Variants in ARHGAP24 observed in about 807,000 individuals in gnomAD.
ARHGAP24 encodes rho GTPase-activating protein 24.
ARHGAP24 carries 50 observed loss-of-function variants against 76.4 expected under a neutral mutation model. That is an observed-to-expected ratio of 0.65 (90% CI 0.52 to 0.83). The LOEUF (loss-of-function observed/expected upper bound fraction) is 0.83. Ranked by LOEUF, ARHGAP24 falls within the 40% of genes least tolerant of loss-of-function variation. ARHGAP24 has a pLI of 0.00. For synonymous variants in ARHGAP24, 345 were observed against 323.3 expected (o/e 1.07, Z -0.72); for missense variants, 930 against 914.2 (o/e 1.02, Z -0.22).
intron 5 of ARHGAP24, among the ~76,000 whole-genome samples, chr4:85,950,327 C>CA (rs11382639): frequency 0.59 from 88,772 of 149,380 alleles, 26,554 homozygotes; most frequent in East Asian, 0.81. Flanking sequence ...ACTGTCTCTA[C>CA]AAAAAAAAAA....
rs188219198 is a variant in ARHGAP24 at position 85,828,548 on chromosome 4, C to A, written c.269-95100C>A. Among the ~76,000 whole-genome samples the A allele has an allele frequency of 2.8e-3, 421 of 150,800 alleles. 4 individuals are homozygous for A. Among genetic ancestry groups the A allele is most frequent in the African/African-American group, 9.8e-3 (403 of 41,168 alleles). On this transcript the variant is annotated intron_variant, in intron 3 of 9. Transcript: ENST00000395184. The stretch of plus-strand genomic sequence containing the variant: ...TTTTTTAAAAAAAGCCAAAAGAAAA[C>A]CAAATAATACGTGCTATCTTTTGAT...
At chr4:85,762,455 C>G (rs1324520779) in intron 3 of ARHGAP24, among the ~76,000 whole-genome samples, 1 of 152,162 alleles carries the variant, frequency 6.6e-6, no homozygotes, top group African/African-American at 2.4e-5. Flanking sequence ...TCCACCTACT[C>G]TGTACCAAAC....
chr4:85,627,223 G>T (rs1720989096), intron 2 of ARHGAP24, among the ~76,000 whole-genome samples: 1 of 152,104 alleles, frequency 6.6e-6, no homozygotes, highest in Non-Finnish European at 1.5e-5. Context: ...TTTGGTCTTT[G>T]ATGATGGTGA....
chr4:85,956,143 A>G (rs1241616877), intron 5 of ARHGAP24, among the ~76,000 whole-genome samples: 1 of 152,212 alleles, frequency 6.6e-6, no homozygotes, highest in Non-Finnish European at 1.5e-5. Context: ...TTGGAAAAGC[A>G]AAGAACTGAC....
At chr4:85,821,747 T>A (rs1244928741) in intron 3 of ARHGAP24, among the ~76,000 whole-genome samples, 1 of 152,108 alleles carries the variant, frequency 6.6e-6, no homozygotes, top group South Asian at 2.1e-4. Context: ...TCAACCAAGA[T>A]GAGATTTAGA....
chr4:85,935,225 A>G (rs917257339), intron 4 of ARHGAP24, among the ~76,000 whole-genome samples: 1 of 152,242 alleles, frequency 6.6e-6, no homozygotes, highest in African/African-American at 2.4e-5. Flanking sequence ...TAATTCATAT[A>G]TCAATGTTTT....
At chr4:85,679,983 C>A (rs1723141147) in intron 2 of ARHGAP24, among the ~76,000 whole-genome samples, 1 of 152,168 alleles carries the variant, frequency 6.6e-6, no homozygotes, top group Non-Finnish European at 1.5e-5. Context: ...TTAAAGATTG[C>A]CATTAATTTG....
chr4:85,570,405 TCTTTCTTTCTTTCCTCTCTCTCTCTC>T, intron 1 of ARHGAP24, 91 bp from the exon 2 acceptor site: 5 of 377,328 alleles, frequency 1.3e-5, no homozygotes, highest in East Asian at 1.3e-4. Context: ...TTTCTTTCTT[TCTTTCTTTCTTTCCTCTCTCTCTCTC>T]TTTTTTTTTT....
intron 1 of ARHGAP24, among the ~76,000 whole-genome samples, chr4:85,529,790 T>C (rs1210843678): frequency 6.6e-6 from 1 of 152,004 alleles, no homozygotes; most frequent in African/African-American, 2.4e-5. Context: ...TATGTCATTC[T>C]CCTGAGTTGT....
intron 3 of ARHGAP24, among the ~76,000 whole-genome samples, chr4:85,855,041 T>G (rs1209224257): frequency 6.6e-6 from 1 of 152,224 alleles, no homozygotes; most frequent in Non-Finnish European, 1.5e-5. Context: ...ACCTGCAATT[T>G]CACGCTACCA....
intron 2 of ARHGAP24, among the ~76,000 whole-genome samples, chr4:85,587,061 A>G (rs1727890345): frequency 1.3e-5 from 2 of 152,218 alleles, no homozygotes; most frequent in South Asian, 4.1e-4. Context: ...CTCTTTTCTC[A>G]AAATGGTAGA....
At chr4:85,724,765 A>G (rs1237172840) in intron 3 of ARHGAP24, among the ~76,000 whole-genome samples, 1 of 152,070 alleles carries the variant, frequency 6.6e-6, no homozygotes, top group Non-Finnish European at 1.5e-5. Flanking sequence ...CTATAGATTC[A>G]TTATCCTATG....
intron 1 of ARHGAP24, among the ~76,000 whole-genome samples, chr4:85,563,518 GCA>G (rs1417648298): frequency 1.3e-5 from 2 of 152,158 alleles, no homozygotes; most frequent in East Asian, 3.8e-4. Context: ...CATTGGATCA[GCA>G]CCCCATCCTC....
At chr4:85,688,846 T>C (rs1275744313) in intron 2 of ARHGAP24, among the ~76,000 whole-genome samples, 1 of 152,204 alleles carries the variant, frequency 6.6e-6, no homozygotes, top group African/African-American at 2.4e-5. Context: ...TTGTTGAAGA[T>C]CTTGTTATTG....
chr4:85,497,913 C>T (rs1560509340), intron 1 of ARHGAP24, among the ~76,000 whole-genome samples: 1 of 152,194 alleles, frequency 6.6e-6, no homozygotes, highest in Admixed American at 6.5e-5. Flanking sequence ...TTTGAACACA[C>T]GGCAGTTTTG....
chr4:85,965,234 CAA>C (rs1423697056), intron 5 of ARHGAP24, among the ~76,000 whole-genome samples: 1 of 152,016 alleles, frequency 6.6e-6, no homozygotes, highest in Non-Finnish European at 1.5e-5. Context: ...TGGCAGCAGG[CAA>C]AGAGAGAGCT....
At chr4:85,677,021 C>CG (rs1723005809) in intron 2 of ARHGAP24, among the ~76,000 whole-genome samples, 1 of 152,122 alleles carries the variant, frequency 6.6e-6, no homozygotes, top group African/African-American at 2.4e-5. Context: ...AAGAACCCAA[C>CG]GGGGGCAGAG....
intron 2 of ARHGAP24, among the ~76,000 whole-genome samples, chr4:85,673,840 C>A (rs1224649294): frequency 6.6e-6 from 1 of 151,514 alleles, no homozygotes; most frequent in East Asian, 2.0e-4. Context: ...ACCCCAAAAT[C>A]TGGTTCCTTA....
intron 5 of ARHGAP24, among the ~76,000 whole-genome samples, chr4:85,970,155 A>G (rs1211033119): frequency 3.3e-5 from 5 of 152,072 alleles, no homozygotes; most frequent in Non-Finnish European, 7.4e-5. Flanking sequence ...TACAGCTCAG[A>G]CCTTACCCAC....
Sources: allele counts gnomAD v4.1 joint callset (sites outside exome capture counted in the v4.1 genomes callset), GRCh38; gene constraint gnomAD v4.1.1; transcripts MANE v1.5; gene names NCBI Gene and HGNC (gene_info 2026-07-23, HGNC 2026-07-21).